Variants in LAMA5 observed in about 807,000 individuals in gnomAD.
The protein encoded by LAMA5 is laminin subunit alpha 5.
A neutral mutation model predicts 433.4 loss-of-function variants in LAMA5; 260 were observed. The ratio of observed to expected loss-of-function variants is 0.60; its 90% CI spans 0.54 to 0.66. LAMA5 has a LOEUF of 0.66. Among genes scored for constraint, LAMA5 ranks in the 30% least tolerant of loss-of-function variants. The probability of loss-of-function intolerance (pLI) is 0.00; values close to 1 mark genes in which losing one functional copy is unlikely to be tolerated. For synonymous variants in LAMA5, 2,620 were observed against 2,226.6 expected (o/e 1.18, Z -4.97); for missense variants, 5,378 against 5,258.5 (o/e 1.02, Z -0.70).
At chr20:62,347,642 C>T (rs142257395) in intron 6 of LAMA5, among the ~76,000 whole-genome samples, 186 of 152,294 alleles carry the variant, frequency 1.2e-3, no homozygotes, top group African/African-American at 4.2e-3. Context: ...TCTTGCCTTA[C>T]GTCCCGTGGG....
chr20:62,323,833 C>A lies in LAMA5; in HGVS notation c.5792G>T (p.Arg1931Leu). 1 of 1,609,776 alleles carries A rather than the reference C, an allele frequency of 6.2e-7. No individual in the cohort carries two copies. Among genetic ancestry groups the A allele is most frequent in the Non-Finnish European group, 8.5e-7 (1 of 1,178,642 alleles). Residue 1931 changes from arginine (R) to leucine (L), a missense_variant, in exon 44 of 80, where the codon CGA becomes CTA. Physicochemically the swap from Arg to Leu is moderately radical, Grantham distance 102. Transcript: ENST00000252999. ...GCAGAGGCACTGGGTGCGGCCGCCT[C>A]GCAGGACACAGCCCTCGGCGAAGCT... Reference protein sequence around the residue: ...SNNFAEGCVLRGGRTQCLCKP... With the variant: ...SNNFAEGCVLLGGRTQCLCKP...
In LAMA5 at chr20:62,328,919, G is replaced by C. The variant is rs760903382; in HGVS notation, c.4372C>G (p.Pro1458Ala). 1.2e-6 allele frequency: 2 copies of C among 1,611,636 alleles called. No individual in the cohort carries two copies. Among genetic ancestry groups the C allele is most frequent in the Non-Finnish European group, 1.7e-6 (2 of 1,179,176 alleles). The part of the protein sequence containing the change: ...PTCEPFGGQC[P>A]CHAHVIGRDC... ...CGGCCAATGACATGGGCATGGCAGG[G>C]ACACTGGCCCCCGAAGGGCTCACAC... The change falls in exon 34 of 80, where the codon CCC (proline) becomes GCC (alanine). Residue 1458 changes from proline (P) to alanine (A), a missense_variant. Transcript: ENST00000252999.
intron 50 of LAMA5, among the ~76,000 whole-genome samples, chr20:62,320,174 T>C (rs372154568): frequency 4.4e-4 from 67 of 151,692 alleles, no homozygotes; most frequent in Non-Finnish European, 7.4e-4. Flanking sequence ...CAAAATTAGC[T>C]GGGCGTGGTG....
rs1488725057 is a variant in LAMA5 at position 62,322,720 on chromosome 20, G to A, written c.6103C>T (p.Pro2035Ser). The stretch of plus-strand genomic sequence containing the variant: ...TTGCACAGGCAGTGCCCGCTGTGGG[G>A]GTCGCAGGCCTCTGTCCCACATGGG... ...CTPCGTEACD[P>S]HSGHCLCKAG... The change falls in exon 46 of 80, where the codon CCC becomes TCC. Residue 2035 changes from proline (P) to serine (S), a missense_variant. By Grantham distance (74) the Pro-to-Ser change is moderately conservative. Coordinates refer to ENST00000252999, the MANE Select transcript of LAMA5 (RefSeq NM_005560.6). 1.3e-6 allele frequency: 2 copies of A among 1,537,870 alleles called. No homozygotes were observed. The highest frequency in any genetic ancestry group is 1.4e-5 in the African/African-American group (1 of 72,950).
intron 16 of LAMA5, 153 bp from the exon 17 acceptor site, chr20:62,336,939 T>C (rs1438714678): frequency 2.7e-6 from 2 of 737,330 alleles, no homozygotes; most frequent in East Asian, 2.7e-5. Context: ...AACACGCACC[T>C]CCCTGCTCCC....
At chr20:62,358,999 C>T (rs377002625) in intron 2 of LAMA5, among the ~76,000 whole-genome samples, 2 of 152,142 alleles carry the variant, frequency 1.3e-5, no homozygotes, top group African/African-American at 4.8e-5. Flanking sequence ...GCCTAACTGC[C>T]CCCTTATACC....
In LAMA5 at chr20:62,329,218, G is replaced by A. The variant is rs763968127; in HGVS notation, c.4155C>T (p.Ser1385=). 32 of 1,612,784 alleles carry A rather than the reference G, an allele frequency of 2.0e-5. No individual in the cohort carries two copies. The highest frequency in any genetic ancestry group is 3.3e-5 in the South Asian group (3 of 91,086). ...GGGGCTCCTCCCGGAGGTAGCCAAA[G>A]CTGTAGACGTTCTCAGGGACCACGA... The part of the protein sequence containing the change: ...YVLVVPENVY[S]FGYLREEPLD... The change falls in exon 33 of 80, where the codon AGC becomes AGT. Residue 1385 remains serine, a synonymous_variant. Coordinates refer to ENST00000252999, the MANE Select transcript of LAMA5 (RefSeq NM_005560.6).
intron 78 of LAMA5, 54 bp from the exon 79 acceptor site, chr20:62,309,889 C>T: frequency 1.9e-6 from 3 of 1,607,570 alleles, no homozygotes; most frequent in Non-Finnish European, 2.5e-6. Flanking sequence ...AGCCTCTCTC[C>T]AGCCCCAAAA....
chr20:62,353,990 C>T (rs1308604440), intron 2 of LAMA5, among the ~76,000 whole-genome samples: 1 of 152,108 alleles, frequency 6.6e-6, no homozygotes, highest in African/African-American at 2.4e-5. Context: ...GCCCGGTGCA[C>T]GTCAGGGCAG....
rs763202612 is a variant in LAMA5, at chr20:62,314,425, T to G, written c.8383A>C (p.Met2795Leu). ...MGSRQATGDY[M>L]GVSLRDKKVH... ...TTCTTGTCACGCAGAGACACACCCA[T>G]GTAGTCCCCAGTGGCCTGCGGCAGT... Residue 2795 changes from methionine (M) to leucine (L), a missense_variant, in exon 62 of 80, where the codon ATG becomes CTG. Coordinates refer to ENST00000252999, the MANE Select transcript of LAMA5 (RefSeq NM_005560.6). The G allele has an allele frequency of 6.2e-7, 1 of 1,613,402 alleles. No homozygotes were observed. The highest frequency in any genetic ancestry group is 8.5e-7 in the Non-Finnish European group (1 of 1,179,930).
Position 62,333,925 on chromosome 20 carries a change from C to T in LAMA5, c.2854G>A (p.Gly952Ser). 1 of 1,608,082 alleles carries T rather than the reference C, an allele frequency of 6.2e-7. No individual in the cohort carries two copies. The highest frequency in any genetic ancestry group is 1.1e-5 in the South Asian group (1 of 90,648). Residue 952 changes from glycine (G) to serine (S), a missense_variant, in exon 23 of 80, where the codon GGC becomes AGC. Gly to Ser is a moderately conservative substitution (Grantham distance 56, BLOSUM62 0). Transcript: ENST00000252999. The part of the protein sequence containing the change: ...VSGRVSVREE[G>S]RSATCANCTA... ...CAGTTGGCGCAGGTGGCCGACCTGC[C>T]CTCCTCTCGCACAGAGACCCGCCCG...
In LAMA5 at chr20:62,343,118, G is replaced by A. The variant is rs1041548137; in HGVS notation, c.1477+2700C>T. ...CCGCCAACCCCACTCATGAATACGCGTTCTATGGCTGCTTGCAAGCTACAG... is the reference window on the plus strand; with the variant it reads ...CCGCCAACCCCACTCATGAATACGCATTCTATGGCTGCTTGCAAGCTACAG... On this transcript the variant is annotated intron_variant, in intron 11 of 79. Coordinates refer to ENST00000252999, the MANE Select transcript of LAMA5 (RefSeq NM_005560.6). Among the ~76,000 whole-genome samples, 8 of 152,326 alleles carry A rather than the reference G, an allele frequency of 5.3e-5. No homozygotes were observed. In the South Asian group the frequency reaches 6.2e-4, roughly 12 times the overall value.
intron 6 of LAMA5, among the ~76,000 whole-genome samples, chr20:62,347,612 A>G (rs1983587063): frequency 6.6e-6 from 1 of 152,206 alleles, no homozygotes; most frequent in Non-Finnish European, 1.5e-5. Flanking sequence ...TGGGGTGGAC[A>G]CTAAGTCACA....
In LAMA5 at chr20:62,316,713, G is replaced by A. The variant is rs1421398510; in HGVS notation, c.7714C>T (p.Leu2572=). ...TGTTCCTGGAGCATGGCCTCTTCTA[G>A]TGCAGTGCTGTTGGCCAGGAGCTGC... is the stretch of plus-strand genomic sequence containing the variant. ...AQQLLANSTA[L]EEAMLQEQQR... The change falls in exon 57 of 80, where the codon CTA becomes TTA. Residue 2572 remains leucine (L), a synonymous_variant. Coordinates refer to ENST00000252999, the MANE Select transcript of LAMA5 (RefSeq NM_005560.6). 1 of 1,609,726 alleles carries A rather than the reference G, an allele frequency of 6.2e-7. No individual in the cohort carries two copies. Among genetic ancestry groups the A allele is most frequent in the Non-Finnish European group, 8.5e-7 (1 of 1,178,200 alleles).
intron 38 of LAMA5, 97 bp downstream of exon 38, chr20:62,327,136 T>G: frequency 1.6e-6 from 2 of 1,256,420 alleles, no homozygotes; most frequent in Non-Finnish European, 2.2e-6. Flanking sequence ...CCCATGGAGC[T>G]CCCCCTCCCT....
At chr20:62,325,919 G>A (rs901583070) in intron 40 of LAMA5, among the ~76,000 whole-genome samples, 6 of 152,308 alleles carry the variant, frequency 3.9e-5, no homozygotes, top group Middle Eastern at 6.8e-3. Flanking sequence ...CTATAAGGCC[G>A]TTCATCAGAA....
Position 62,327,559 on chromosome 20 carries a change from GCGCTCCGTGGCCCCA to G in LAMA5, c.4893_4907del (p.Gly1632_Arg1636del). The G allele has an allele frequency of 6.2e-7, 1 of 1,612,906 alleles. No homozygotes were observed. The highest frequency in any genetic ancestry group is 8.5e-7 in the Non-Finnish European group (1 of 1,180,014). ...GGCGGGTGTAGGACGAGCTCCGGCAGCGCTCCGTGGCCCCAAAGCAGAAGCAGCGGGTGCAACCTT... is the reference window on the plus strand; with the variant it reads ...GGCGGGTGTAGGACGAGCTCCGGCAGAAGCAGAAGCAGCGGGTGCAACCTT... On this transcript the variant is annotated inframe_deletion, in exon 37 of 80. Coordinates refer to ENST00000252999, the MANE Select transcript of LAMA5 (RefSeq NM_005560.6).
Position 62,309,456 on chromosome 20 carries a change from G to C in LAMA5, c.10968C>G (p.Pro3656=). 2 of 1,583,102 alleles carry C rather than the reference G, an allele frequency of 1.3e-6. No homozygotes were observed. The highest frequency in any genetic ancestry group is 2.3e-5 in the South Asian group (2 of 87,840). The change falls in exon 80 of 80, where the codon CCC becomes CCG. Residue 3656 remains proline (P), a synonymous_variant. Transcript: ENST00000252999. The stretch of plus-strand genomic sequence containing the variant: ...TGCAGCCGCAGTAGGCGGGGGGCCA[G>C]GGCTGCACGGCCATGGGCTCTGGGG... ...GGLPEPMAVQ[P]WPPAYCGCMR...
chr20:62,337,219 G>A (rs146416042), intron 16 of LAMA5, among the ~76,000 whole-genome samples: 12 of 151,370 alleles, frequency 7.9e-5, no homozygotes, highest in East Asian at 5.8e-4. Context: ...TATGCGACAC[G>A]CGCCCACATG....
Sources: gnomAD v4.1 joint callset for allele counts (sites outside exome capture counted in the v4.1 genomes callset) on GRCh38, gnomAD v4.1.1 for gene constraint, MANE v1.5 for transcripts, NCBI Gene and HGNC (gene_info 2026-07-23, HGNC 2026-07-21) for gene names.